PTPRM: variants seen among roughly 807,000 people sequenced by gnomAD.
PTPRM encodes protein tyrosine phosphatase receptor type M.
PTPRM carries 47 observed loss-of-function variants against 186.7 expected under a neutral mutation model. The ratio of observed to expected loss-of-function variants is 0.25; its 90% CI spans 0.20 to 0.32. The LOEUF (loss-of-function observed/expected upper bound fraction) is 0.32. PTPRM is among the 10% of genes least tolerant of loss of function. The pLI is 1.00. For synonymous variants in PTPRM, 668 were observed against 674.9 expected (o/e 0.99, Z 0.16); for missense variants, 1,494 against 1,865.0 (o/e 0.80, Z 3.66).
chr18:7,695,061 A>C (rs1349784573), intron 1 of PTPRM, among the ~76,000 whole-genome samples: 1 of 152,156 alleles, frequency 6.6e-6, no homozygotes, highest in Non-Finnish European at 1.5e-5. Flanking sequence ...AGAGGTTTAG[A>C]GTGTGATTTA....
intron 7 of PTPRM, among the ~76,000 whole-genome samples, chr18:7,990,322 G>T (rs1448912947): frequency 6.6e-6 from 1 of 152,192 alleles, no homozygotes; most frequent in Non-Finnish European, 1.5e-5. Context: ...GTTTGTGTGT[G>T]TGCGCTAAGT....
chr18:8,123,903 T>C lies in PTPRM; in HGVS notation c.2167+9076T>C, dbSNP rs72909852. Among the ~76,000 whole-genome samples the C allele has an allele frequency of 4.8e-3, 736 of 152,304 alleles. 1 individual carries two copies. Among genetic ancestry groups the C allele is most frequent in the Non-Finnish European group, 8.4e-3 (569 of 68,024 alleles). ...TAAAACAAGTACTTACGAAATATAATTCAGTAGTCCTTTTACCAAGCTTTA... is the reference window on the plus strand; with the variant it reads ...TAAAACAAGTACTTACGAAATATAACTCAGTAGTCCTTTTACCAAGCTTTA... On this transcript the variant is annotated intron_variant, in intron 13 of 32. Coordinates refer to ENST00000580170, the MANE Select transcript of PTPRM (RefSeq NM_001105244.2).
chr18:7,694,641 G>C (rs368923091), intron 1 of PTPRM, among the ~76,000 whole-genome samples: 2 of 151,296 alleles, frequency 1.3e-5, no homozygotes, highest in South Asian at 4.2e-4. Flanking sequence ...TGTCCAGGCT[G>C]GTCTTGAACC....
chr18:7,659,925 C>T (rs1051679281), intron 1 of PTPRM, among the ~76,000 whole-genome samples: 1 of 152,200 alleles, frequency 6.6e-6, no homozygotes, highest in African/African-American at 2.4e-5. Flanking sequence ...TGTGTTCCCA[C>T]TCTGTTGGGT....
intron 13 of PTPRM, among the ~76,000 whole-genome samples, chr18:8,122,999 C>A (rs2092228982): frequency 6.6e-6 from 1 of 152,202 alleles, no homozygotes; most frequent in African/African-American, 2.4e-5. Context: ...TGGAGTTGAA[C>A]TGTGCTTCCT....
chr18:7,906,667 G>C, intron 4 of PTPRM, 84 bp downstream of exon 4: 1 of 1,122,050 alleles, frequency 8.9e-7, no homozygotes, highest in South Asian at 1.3e-5. Context: ...ATGAAAACCT[G>C]TGAAGAGGTC....
intron 14 of PTPRM, among the ~76,000 whole-genome samples, chr18:8,173,328 G>A (rs1164855203): frequency 1.3e-5 from 2 of 152,200 alleles, no homozygotes; most frequent in African/African-American, 4.8e-5. Flanking sequence ...ACAAGTATTA[G>A]CATATGAATG....
chr18:7,574,550 G>A (rs2036639372), intron 1 of PTPRM, among the ~76,000 whole-genome samples: 1 of 152,176 alleles, frequency 6.6e-6, no homozygotes, highest in Non-Finnish European at 1.5e-5. Flanking sequence ...CAAGGATAAA[G>A]CAGGTATAGT....
At chr18:7,648,143 G>A (rs1162814937) in intron 1 of PTPRM, among the ~76,000 whole-genome samples, 1 of 151,932 alleles carries the variant, frequency 6.6e-6, no homozygotes. Flanking sequence ...TATCTGTTAC[G>A]GTGATCTGTG....
At chr18:7,638,787 TGG>T (rs35000003) in intron 1 of PTPRM, among the ~76,000 whole-genome samples, 1 of 152,202 alleles carries the variant, frequency 6.6e-6, no homozygotes, top group African/African-American at 2.4e-5. Flanking sequence ...AGCAATAATT[TGG>T]GTAGTCAGAA....
chr18:8,189,182 A>T (rs2146683083), intron 14 of PTPRM, among the ~76,000 whole-genome samples: 1 of 151,870 alleles, frequency 6.6e-6, no homozygotes, highest in African/African-American at 2.4e-5. Flanking sequence ...CTGTGGTCCC[A>T]GCTACTCAGG....
At chr18:7,861,038 TCCTCCTAGGTC>T (rs2047354529) in intron 2 of PTPRM, among the ~76,000 whole-genome samples, 1 of 152,184 alleles carries the variant, frequency 6.6e-6, no homozygotes, top group African/African-American at 2.4e-5. Flanking sequence ...CCTACTCTGT[TCCTCCTAGGTC>T]CCTCCCTTTT....
chr18:7,613,017 T>C (rs1243774473), intron 1 of PTPRM, among the ~76,000 whole-genome samples: 1 of 152,158 alleles, frequency 6.6e-6, no homozygotes, highest in Non-Finnish European at 1.5e-5. Context: ...AATCGCCCTC[T>C]TACCTGGCTC....
intron 1 of PTPRM, among the ~76,000 whole-genome samples, chr18:7,752,180 T>C (rs964231284): frequency 1.3e-5 from 2 of 152,206 alleles, no homozygotes; most frequent in African/African-American, 2.4e-5. Context: ...TATCTCATCT[T>C]GTATGGATTA....
At chr18:7,661,578 C>G (rs2038981771) in intron 1 of PTPRM, among the ~76,000 whole-genome samples, 1 of 152,228 alleles carries the variant, frequency 6.6e-6, no homozygotes, top group African/African-American at 2.4e-5. Flanking sequence ...AGAAGAATGT[C>G]TTTTACCCAA....
intron 20 of PTPRM, among the ~76,000 whole-genome samples, chr18:8,303,133 A>G (rs1403263333): frequency 1.3e-5 from 2 of 152,016 alleles, no homozygotes; most frequent in Non-Finnish European, 2.9e-5. Flanking sequence ...GGCTTTAATA[A>G]TGGGCGGTCC....
intron 8 of PTPRM, among the ~76,000 whole-genome samples, chr18:8,071,411 C>A (rs192287120): frequency 6.6e-6 from 1 of 152,242 alleles, no homozygotes; most frequent in African/African-American, 2.4e-5. Flanking sequence ...ATAATTGTTT[C>A]TACCTTTTCT....
At chr18:7,852,280 A>G (rs1438265223) in intron 2 of PTPRM, among the ~76,000 whole-genome samples, 1 of 152,196 alleles carries the variant, frequency 6.6e-6, no homozygotes, top group African/African-American at 2.4e-5. Context: ...AAAGGATGCA[A>G]TAAAAGGTTA....
At chr18:8,259,550 G>A (rs1436173144) in intron 19 of PTPRM, among the ~76,000 whole-genome samples, 1 of 150,286 alleles carries the variant, frequency 6.7e-6, no homozygotes, top group African/African-American at 2.5e-5. Context: ...TTAAATGCAA[G>A]TTCAGTGTTT....
Sources: gnomAD v4.1 joint callset for allele counts (sites outside exome capture counted in the v4.1 genomes callset) on GRCh38, gnomAD v4.1.1 for gene constraint, MANE v1.5 for transcripts, NCBI Gene and HGNC (gene_info 2026-07-23, HGNC 2026-07-21) for gene names.